The following AFG2A variants were observed in gnomAD, a reference collection of about 807,000 sequenced individuals.
The protein encoded by AFG2A is ATPase family gene 2 protein homolog A.
chr4:122,931,456 T>C, the AFG2A span, among the ~76,000 whole-genome samples: 1 of 152,174 alleles, frequency 6.6e-6, no homozygotes, highest in Non-Finnish European at 1.5e-5. Context: ...CGTATGTGTG[T>C]GTATATACAT....
chr4:123,103,124 C>T, the AFG2A span, among the ~76,000 whole-genome samples: 1 of 151,924 alleles, frequency 6.6e-6, no homozygotes, highest in Non-Finnish European at 1.5e-5. Flanking sequence ...GGCTCTACTG[C>T]GTTTAGAGGC....
chr4:123,319,213 A>G, the AFG2A span: 1 of 152,246 alleles, frequency 6.6e-6, no homozygotes, highest in South Asian at 2.1e-4. Flanking sequence ...AAACTTGAAC[A>G]TATGTTTAAT....
At chr4:122,958,536 TCAGGACC>T in the AFG2A span, among the ~76,000 whole-genome samples, 1 of 152,200 alleles carries the variant, frequency 6.6e-6, no homozygotes, top group Non-Finnish European at 1.5e-5. Flanking sequence ...TGTTTTTAAT[TCAGGACC>T]AATCACTTAG....
the AFG2A span, chr4:122,927,529 A>T: frequency 1.8e-6 from 2 of 1,138,948 alleles, no homozygotes; most frequent in Non-Finnish European, 2.5e-6. Context: ...TGGTAAGTAC[A>T]TTCATGTGGT....
At chr4:122,924,881 CAG>C in the AFG2A span, among the ~76,000 whole-genome samples, 4 of 152,026 alleles carry the variant, frequency 2.6e-5, no homozygotes, top group Non-Finnish European at 4.4e-5. Flanking sequence ...TTTTATTAAA[CAG>C]ATGTGAAATT....
chr4:122,929,632 G>C, the AFG2A span, among the ~76,000 whole-genome samples: 10 of 152,054 alleles, frequency 6.6e-5, no homozygotes, highest in Non-Finnish European at 1.2e-4. Context: ...CTGGGAGGTG[G>C]AGATTGCAGT....
the AFG2A span, among the ~76,000 whole-genome samples, chr4:123,088,506 T>C: frequency 3.9e-5 from 6 of 152,220 alleles, no homozygotes; most frequent in Non-Finnish European, 5.9e-5. Flanking sequence ...AGTTATATTA[T>C]GGAGAATCTT....
At chr4:123,059,347 C>T in the AFG2A span, among the ~76,000 whole-genome samples, 14 of 134,958 alleles carry the variant, frequency 1.0e-4, no homozygotes, top group Admixed American at 4.9e-4. Flanking sequence ...TGTTCCCCTT[C>T]CGGTGTCCAT....
At chr4:123,129,603 C>T in the AFG2A span, among the ~76,000 whole-genome samples, 1 of 152,154 alleles carries the variant, frequency 6.6e-6, no homozygotes, top group South Asian at 2.1e-4. Flanking sequence ...CTTTGTTTTA[C>T]GTGACACAGT....
At chr4:122,937,622 T>C in the AFG2A span, among the ~76,000 whole-genome samples, 1 of 152,248 alleles carries the variant, frequency 6.6e-6, no homozygotes, top group East Asian at 1.9e-4. Context: ...TTGTTTAGTA[T>C]GCTTTTGTTG....
At chr4:123,241,399 C>G in the AFG2A span, among the ~76,000 whole-genome samples, 27 of 151,648 alleles carry the variant, frequency 1.8e-4, 1 homozygote, top group Admixed American at 1.4e-3. Flanking sequence ...TACTGGCAAA[C>G]CGAATCCAGC....
At chr4:122,991,151 T>C in the AFG2A span, among the ~76,000 whole-genome samples, 1 of 152,238 alleles carries the variant, frequency 6.6e-6, no homozygotes, top group Admixed American at 6.5e-5. Context: ...TCCATCACTG[T>C]GTGTTTGCCC....
chr4:123,003,306 G>A, the AFG2A span, among the ~76,000 whole-genome samples: 1 of 152,192 alleles, frequency 6.6e-6, no homozygotes, highest in Admixed American at 6.5e-5. Context: ...CTCTCAACTC[G>A]TCAAAGTCAT....
chr4:123,200,419 A>G, the AFG2A span, among the ~76,000 whole-genome samples: 5 of 152,230 alleles, frequency 3.3e-5, no homozygotes, highest in African/African-American at 4.8e-5. Flanking sequence ...AGAGCAATTT[A>G]TGCTACTTAT....
the AFG2A span, chr4:123,102,146 G>A: frequency 1.3e-5 from 2 of 151,590 alleles, no homozygotes; most frequent in African/African-American, 4.8e-5. Context: ...AAGTTTCTGA[G>A]GTTTTTGTTT....
the AFG2A span, among the ~76,000 whole-genome samples, chr4:123,134,190 C>T: frequency 6.6e-6 from 1 of 152,058 alleles, no homozygotes; most frequent in Admixed American, 6.6e-5. Context: ...AAATCTCTGT[C>T]TGTGGAGCTT....
At chr4:123,028,207 G>A in the AFG2A span, 1 of 1,613,970 alleles carries the variant, frequency 6.2e-7, no homozygotes, top group African/African-American at 1.3e-5. Context: ...AGATATAGGA[G>A]GACTGGAAAG....
the AFG2A span, among the ~76,000 whole-genome samples, chr4:123,223,614 A>G: frequency 6.6e-6 from 1 of 152,088 alleles, no homozygotes; most frequent in Non-Finnish European, 1.5e-5. Flanking sequence ...CATTTGAGCA[A>G]CCAAATCTCA....
chr4:123,257,995 T>A, the AFG2A span, among the ~76,000 whole-genome samples: 1 of 152,222 alleles, frequency 6.6e-6, no homozygotes, highest in African/African-American at 2.4e-5. Flanking sequence ...ATCTAACATG[T>A]AAGCACATTT....
Sources: allele counts gnomAD v4.1 joint callset (sites outside exome capture counted in the v4.1 genomes callset), GRCh38; gene constraint gnomAD v4.1.1; transcripts MANE v1.5; gene names NCBI Gene and HGNC (gene_info 2026-07-23, HGNC 2026-07-21).